The following UNC5C variants were observed in gnomAD, a reference collection of about 807,000 sequenced individuals.
UNC5C encodes the protein netrin receptor UNC5C.
In UNC5C, 47 loss-of-function variants were observed where a neutral mutation model predicts 99.8. That is an observed-to-expected ratio of 0.47 (90% CI 0.37 to 0.60). The LOEUF (loss-of-function observed/expected upper bound fraction) is 0.60, where lower values mean the gene tolerates loss of function less well. Ranked by LOEUF, UNC5C falls within the 20% of genes least tolerant of loss-of-function variation. The pLI, the probability that UNC5C is intolerant of heterozygous loss-of-function variation, is 0.00. For missense variants in UNC5C, 1,062 were observed against 1,165.9 expected (o/e 0.91, Z 1.30); for synonymous variants, 487 against 452.2 (o/e 1.08, Z -0.98).
chr4:95,260,523 G>A (rs1423433866), intron 4 of UNC5C, among the ~76,000 whole-genome samples: 2 of 152,154 alleles, frequency 1.3e-5, no homozygotes, highest in Non-Finnish European at 2.9e-5. Context: ...TTGTCCCTGA[G>A]CTCTCTTCTT....
At chr4:95,510,673 C>T (rs1408013146) in intron 1 of UNC5C, among the ~76,000 whole-genome samples, 2 of 152,022 alleles carry the variant, frequency 1.3e-5, no homozygotes, top group African/African-American at 4.8e-5. Flanking sequence ...ATCAAATAAC[C>T]AGACTTTCCC....
intron 7 of UNC5C, among the ~76,000 whole-genome samples, chr4:95,230,109 C>G (rs1298711022): frequency 1.3e-5 from 2 of 152,016 alleles, no homozygotes; most frequent in Non-Finnish European, 2.9e-5. Context: ...CTGTGCCCAG[C>G]CTGTTTACTG....
At chr4:95,329,886 C>A (rs369863294) in intron 2 of UNC5C, among the ~76,000 whole-genome samples, 1 of 152,134 alleles carries the variant, frequency 6.6e-6, no homozygotes, top group African/African-American at 2.4e-5. Context: ...AACCAACCAA[C>A]TGCCAAATTT....
chr4:95,542,900 A>G (rs1382590525), intron 1 of UNC5C, among the ~76,000 whole-genome samples: 1 of 152,154 alleles, frequency 6.6e-6, no homozygotes, highest in Non-Finnish European at 1.5e-5. Context: ...GTTTGAAAAT[A>G]ACAAATATTT....
At chr4:95,296,715 T>C (rs955587592) in intron 3 of UNC5C, among the ~76,000 whole-genome samples, 3 of 152,184 alleles carry the variant, frequency 2.0e-5, no homozygotes, top group Admixed American at 1.3e-4. Flanking sequence ...TACATAGAAA[T>C]GAAAGATAAA....
chr4:95,248,535 A>G, intron 5 of UNC5C: 3 of 456,104 alleles, frequency 6.6e-6, no homozygotes, highest in Non-Finnish European at 1.3e-5. Context: ...TAGGGAAGCC[A>G]TCTTTCAGCT....
In UNC5C at chr4:95,460,691, C is replaced by A. The variant is rs374516792; in HGVS notation, c.124+88043G>T. 2.2e-4 allele frequency among the ~76,000 whole-genome samples: 34 copies of A among 152,252 alleles called. No homozygotes were observed. The East Asian group carries it at 6.6e-3, about 29-fold the overall frequency. On this transcript the variant is annotated intron_variant, in intron 1 of 15. Transcript: ENST00000453304. Reference sequence around the variant, plus strand: ...AAACGTCTTTTTCTTCATAAATTACCCAGTCTCAGGTATGTCTTTATCAGC... The same window carrying A: ...AAACGTCTTTTTCTTCATAAATTACACAGTCTCAGGTATGTCTTTATCAGC...
rs575920657 is a variant in UNC5C at position 95,164,984 on chromosome 4, G to A, written c.*4250C>T. The A allele has an allele frequency of 6.6e-6, 1 of 152,378 alleles. No individual in the cohort carries two copies. The highest frequency in any genetic ancestry group is 2.1e-4 in the South Asian group (1 of 4,830). 9.4% of individuals were successfully genotyped at this position (152,378 alleles called of 1,614,324 possible). ...AAGACCTTTGAATTCTGGGGAGATG[G>A]TGATCACCTTATTAACTCCCTTCTG... On this transcript the variant is annotated 3_prime_UTR_variant, in exon 16 of 16. Transcript: ENST00000453304.
chr4:95,408,570 G>A (rs1745890528), intron 1 of UNC5C, among the ~76,000 whole-genome samples: 2 of 152,286 alleles, frequency 1.3e-5, no homozygotes, highest in African/African-American at 2.4e-5. Context: ...GTATTAAAAA[G>A]CAGCACAGTC....
chr4:95,413,731 C>T (rs555323778), intron 1 of UNC5C, among the ~76,000 whole-genome samples: 14 of 152,248 alleles, frequency 9.2e-5, no homozygotes, highest in South Asian at 2.1e-4. Flanking sequence ...AAACCATTTC[C>T]GCGTAGCCTA....
At chr4:95,193,052 G>C (rs1737221391) in intron 12 of UNC5C, among the ~76,000 whole-genome samples, 1 of 152,216 alleles carries the variant, frequency 6.6e-6, no homozygotes, top group South Asian at 2.1e-4. Context: ...TGAAGGGAAG[G>C]CTGGAAGGCG....
chr4:95,228,172 G>C (rs1035446690), intron 7 of UNC5C, among the ~76,000 whole-genome samples: 3 of 152,144 alleles, frequency 2.0e-5, no homozygotes, highest in Non-Finnish European at 2.9e-5. Context: ...ATATTTGAGA[G>C]TCTCAAGAAT....
chr4:95,395,147 G>A (rs563425675), intron 1 of UNC5C, among the ~76,000 whole-genome samples: 2 of 152,308 alleles, frequency 1.3e-5, no homozygotes, highest in African/African-American at 4.8e-5. Context: ...GTGTATAAAG[G>A]TGGGCCCATA....
chr4:95,464,737 T>C (rs1422919945), intron 1 of UNC5C, among the ~76,000 whole-genome samples: 1 of 152,230 alleles, frequency 6.6e-6, no homozygotes, highest in Non-Finnish European at 1.5e-5. Flanking sequence ...TATTTTCTTA[T>C]CATGAGCATG....
intron 1 of UNC5C, among the ~76,000 whole-genome samples, chr4:95,381,526 C>T (rs1745071796): frequency 6.6e-6 from 1 of 152,126 alleles, no homozygotes; most frequent in Admixed American, 6.5e-5. Context: ...TCCTCCTCTA[C>T]CACCATATAT....
At chr4:95,456,574 A>G (rs565549449) in intron 1 of UNC5C, among the ~76,000 whole-genome samples, 1 of 152,108 alleles carries the variant, frequency 6.6e-6, no homozygotes, top group Non-Finnish European at 1.5e-5. Context: ...CAGATAACAG[A>G]TATTGTTTAA....
chr4:95,546,985 C>G, intron 1 of UNC5C, among the ~76,000 whole-genome samples: 1 of 152,078 alleles, frequency 6.6e-6, no homozygotes, highest in South Asian at 2.1e-4. Context: ...CCAGTAACAG[C>G]AGGCGAATTC....
At chr4:95,355,977 T>C (rs1744168596) in intron 1 of UNC5C, among the ~76,000 whole-genome samples, 1 of 151,676 alleles carries the variant, frequency 6.6e-6, no homozygotes, top group South Asian at 2.1e-4. Context: ...ATCATTTGAG[T>C]CCAGGAATTT....
chr4:95,529,870 C>A (rs1722598440), intron 1 of UNC5C, among the ~76,000 whole-genome samples: 1 of 152,110 alleles, frequency 6.6e-6, no homozygotes, highest in South Asian at 2.1e-4. Flanking sequence ...AAAAAGAATT[C>A]CAAATAAGTC....
Sources: allele counts gnomAD v4.1 joint callset (sites outside exome capture counted in the v4.1 genomes callset), GRCh38; gene constraint gnomAD v4.1.1; transcripts MANE v1.5; gene names NCBI Gene and HGNC (gene_info 2026-07-23, HGNC 2026-07-21).